The following NELL1 variants were observed in gnomAD, a reference collection of about 807,000 sequenced individuals.
NELL1 encodes the protein neural EGFL like 1.
A neutral mutation model predicts 107.4 loss-of-function variants in NELL1; 76 were observed. The ratio of observed to expected loss-of-function variants is 0.71; its 90% CI spans 0.59 to 0.86. The LOEUF is 0.86. Among genes scored for constraint, NELL1 ranks in the 40% least tolerant of loss-of-function variants. The pLI, the probability that NELL1 is intolerant of heterozygous loss-of-function variation, is 0.00. For missense variants in NELL1, 1,024 were observed against 1,005.5 expected (o/e 1.02, Z -0.25); for synonymous variants, 353 against 341.2 (o/e 1.03, Z -0.38).
At chr11:20,750,063 G>A (rs921086677) in intron 2 of NELL1, among the ~76,000 whole-genome samples, 6 of 152,152 alleles carry the variant, frequency 3.9e-5, no homozygotes, top group African/African-American at 1.4e-4. Flanking sequence ...TATCATTAAT[G>A]TATAGGAGTT....
At chr11:20,673,154 G>C (rs1011758893) in intron 1 of NELL1, among the ~76,000 whole-genome samples, 1 of 152,090 alleles carries the variant, frequency 6.6e-6, no homozygotes, top group South Asian at 2.1e-4. Flanking sequence ...GAGCCACTGC[G>C]CCTGGCCAAG....
chr11:21,337,845 C>CT (rs1293509414), intron 14 of NELL1, among the ~76,000 whole-genome samples: 2 of 132,392 alleles, frequency 1.5e-5, no homozygotes, highest in African/African-American at 5.9e-5. Context: ...TCTTTTCTTT[C>CT]TTTCTTTCTT....
intron 3 of NELL1, among the ~76,000 whole-genome samples, chr11:20,786,042 T>TG (rs1856947956): frequency 6.6e-6 from 1 of 151,826 alleles, no homozygotes; most frequent in Admixed American, 6.6e-5. Flanking sequence ...AGAATTTTTT[T>TG]TTTTTTTTTT....
At chr11:20,736,853 C>T (rs1490691173) in intron 2 of NELL1, among the ~76,000 whole-genome samples, 1 of 151,174 alleles carries the variant, frequency 6.6e-6, no homozygotes, top group Non-Finnish European at 1.5e-5. Flanking sequence ...CTCCCTGGTT[C>T]AAGCAATTCT....
chr11:21,036,683 T>C (rs1853100548), intron 12 of NELL1, among the ~76,000 whole-genome samples: 2 of 152,058 alleles, frequency 1.3e-5, no homozygotes, highest in African/African-American at 4.8e-5. Context: ...TAATGAATTC[T>C]TCCTTTAGTC....
intron 14 of NELL1, among the ~76,000 whole-genome samples, chr11:21,280,157 C>T (rs1848961172): frequency 6.6e-6 from 1 of 152,090 alleles, no homozygotes; most frequent in Non-Finnish European, 1.5e-5. Context: ...TACATTGGTC[C>T]AAACCTGTAC....
intron 12 of NELL1, among the ~76,000 whole-genome samples, chr11:21,029,490 C>T (rs1852900553): frequency 6.6e-6 from 1 of 152,078 alleles, no homozygotes; most frequent in South Asian, 2.1e-4. Context: ...ATCATCACCA[C>T]CACCACCACC....
chr11:21,517,716 A>G lies in NELL1; in HGVS notation c.1646-16658A>G, dbSNP rs542585101. Among the ~76,000 whole-genome samples the G allele has an allele frequency of 2.0e-5, 3 of 152,304 alleles. No homozygotes were observed. The South Asian group carries it at 6.2e-4, about 32-fold the overall frequency. ...TTTTCCATGGGCACTAAAAAGGGAT[A>G]TACAGCAAATGGTCATGGGCAATGA... is the stretch of plus-strand genomic sequence containing the variant. On this transcript the variant is annotated intron_variant, in intron 15 of 19. Coordinates refer to ENST00000357134, the MANE Select transcript of NELL1 (RefSeq NM_006157.5).
rs751113746 is a variant in NELL1, at chr11:20,847,719, G to A, written c.472G>A (p.Ala158Thr). ...QWHKVALSVS[A>T]SHLLLHVDCN... The stretch of plus-strand genomic sequence containing the variant: ...GCACAAGGTTGCACTGTCAGTTAGC[G>A]CCTCTCATCTCCTGCTCCATGTCGA... Residue 158 changes from alanine (A) to threonine (T), a missense_variant, in exon 4 of 20, where the codon GCC becomes ACC. By Grantham distance (58) the Ala-to-Thr change is moderately conservative (BLOSUM62 0). Transcript: ENST00000357134. The A allele has an allele frequency of 1.1e-4, 177 of 1,612,820 alleles. 1 individual carries two copies. Among genetic ancestry groups the A allele is most frequent in the Admixed American group, 1.0e-3 (62 of 59,840 alleles).
chr11:20,919,138 C>G, intron 6 of NELL1, 114 bp from the exon 7 acceptor site: 1 of 505,826 alleles, frequency 2.0e-6, no homozygotes, highest in Non-Finnish European at 3.4e-6. Flanking sequence ...AAAGCAATGT[C>G]AACCAAAAAA....
intron 14 of NELL1, among the ~76,000 whole-genome samples, chr11:21,296,185 G>A (rs1244687504): frequency 6.6e-6 from 1 of 151,678 alleles, no homozygotes; most frequent in Non-Finnish European, 1.5e-5. Flanking sequence ...ATAATACCGG[G>A]TATTATCCCA....
intron 12 of NELL1, among the ~76,000 whole-genome samples, chr11:21,060,959 A>G (rs1209984837): frequency 6.6e-6 from 1 of 151,360 alleles, no homozygotes; most frequent in Non-Finnish European, 1.5e-5. Context: ...CAGGACTTGA[A>G]CTCCTGACCC....
chr11:21,151,708 A>G (rs1856121785), intron 13 of NELL1, among the ~76,000 whole-genome samples: 1 of 152,182 alleles, frequency 6.6e-6, no homozygotes, highest in African/African-American at 2.4e-5. Context: ...AATAAAAGTT[A>G]TTGGTTAAAG....
intron 14 of NELL1, among the ~76,000 whole-genome samples, chr11:21,254,229 T>G (rs2133914240): frequency 6.6e-6 from 1 of 152,196 alleles, no homozygotes; most frequent in Non-Finnish European, 1.5e-5. Flanking sequence ...ATAATAAATG[T>G]GTCTCTGTGA....
At chr11:20,942,068 A>G (rs891831686) in intron 10 of NELL1, among the ~76,000 whole-genome samples, 3 of 152,224 alleles carry the variant, frequency 2.0e-5, no homozygotes, top group African/African-American at 7.2e-5. Context: ...GAAAAAAGAC[A>G]GGAATGTGTT....
chr11:20,677,804 T>C (rs1465175478), intron 1 of NELL1, 128 bp from the exon 2 acceptor site: 1 of 1,070,028 alleles, frequency 9.3e-7, no homozygotes, highest in South Asian at 1.6e-5. Context: ...TTTCCCTCCA[T>C]AGACAAAGAC....
chr11:20,930,422 G>T (rs1481669286), intron 9 of NELL1, among the ~76,000 whole-genome samples: 2 of 152,066 alleles, frequency 1.3e-5, no homozygotes, highest in East Asian at 3.8e-4. Context: ...TCATTTTCAT[G>T]AGCTTCATTG....
At chr11:20,961,934 A>G (rs943305221) in intron 12 of NELL1, among the ~76,000 whole-genome samples, 2 of 152,150 alleles carry the variant, frequency 1.3e-5, no homozygotes, top group Admixed American at 6.6e-5. Flanking sequence ...TCTTATTACT[A>G]CTAGAGACCA....
At chr11:20,700,700 A>T (rs528747455) in intron 2 of NELL1, among the ~76,000 whole-genome samples, 14 of 149,082 alleles carry the variant, frequency 9.4e-5, no homozygotes, top group African/African-American at 3.5e-4. Flanking sequence ...GATGTTCCCC[A>T]CCCTGTGTCC....
Sources: gnomAD v4.1 joint callset for allele counts (sites outside exome capture counted in the v4.1 genomes callset) on GRCh38, gnomAD v4.1.1 for gene constraint, MANE v1.5 for transcripts, NCBI Gene and HGNC (gene_info 2026-07-23, HGNC 2026-07-21) for gene names.